The following DLC1 variants were observed in gnomAD, a reference collection of about 807,000 sequenced individuals.
The protein encoded by DLC1 is DLC1 Rho GTPase activating protein.
DLC1 carries 54 observed loss-of-function variants against 140.3 expected under a neutral mutation model. The ratio of observed to expected loss-of-function variants is 0.38; its 90% CI spans 0.31 to 0.48. The LOEUF (loss-of-function observed/expected upper bound fraction) is 0.48. Among genes scored for constraint, DLC1 ranks in the 20% least tolerant of loss-of-function variants. The pLI, the probability that DLC1 is intolerant of heterozygous loss-of-function variation, is 0.96. For synonymous variants in DLC1, 986 were observed against 728.1 expected, an observed-to-expected ratio of 1.35 and a Z score of -5.70; for missense variants, 2,536 against 1,907.0, an observed-to-expected ratio of 1.33 and a Z score of -6.14.
intron 4 of DLC1, among the ~76,000 whole-genome samples, chr8:13,312,242 T>A (rs960748085): frequency 7.3e-6 from 1 of 136,568 alleles, no homozygotes; most frequent in Admixed American, 7.6e-5. Flanking sequence ...GCGCCTGTAG[T>A]CCCAGCTACT....
intron 1 of DLC1, among the ~76,000 whole-genome samples, chr8:13,581,945 A>C (rs1428354144): frequency 2.6e-5 from 4 of 152,198 alleles, no homozygotes; most frequent in African/African-American, 9.7e-5. Context: ...TGCATTTAAA[A>C]AATTTTAGAA....
chr8:13,283,293 AACACACAC>A (rs58438325), intron 5 of DLC1, among the ~76,000 whole-genome samples: 1 of 145,032 alleles, frequency 6.9e-6, no homozygotes, highest in Non-Finnish European at 1.5e-5. Flanking sequence ...ATCCTACTGA[AACACACAC>A]ACACACACAC....
chr8:13,174,594 G>A (rs1825663116), intron 5 of DLC1, among the ~76,000 whole-genome samples: 1 of 152,100 alleles, frequency 6.6e-6, no homozygotes, highest in African/African-American at 2.4e-5. Context: ...TTGTGGTTTT[G>A]ATTTGCATTT....
chr8:13,128,829 C>G (rs1294439595), intron 5 of DLC1, among the ~76,000 whole-genome samples: 4 of 137,074 alleles, frequency 2.9e-5, no homozygotes, highest in Non-Finnish European at 6.2e-5. Context: ...AGAGAGACTC[C>G]GTCTCAAAAA....
chr8:13,452,524 A>G (rs1257241375), intron 2 of DLC1, among the ~76,000 whole-genome samples: 1 of 152,236 alleles, frequency 6.6e-6, no homozygotes, highest in African/African-American at 2.4e-5. Flanking sequence ...CTAAAGTGAT[A>G]GGTACAAATA....
intron 4 of DLC1, among the ~76,000 whole-genome samples, chr8:13,362,397 T>G (rs1835270982): frequency 6.6e-6 from 1 of 152,172 alleles, no homozygotes; most frequent in Non-Finnish European, 1.5e-5. Context: ...TTTGTCTGGT[T>G]GCAGTTAGAT....
chr8:13,206,062 A>G (rs1827649813), intron 5 of DLC1, among the ~76,000 whole-genome samples: 1 of 152,212 alleles, frequency 6.6e-6, no homozygotes, highest in South Asian at 2.1e-4. Flanking sequence ...AGCTAAGGAT[A>G]GAGCAAAGTC....
chr8:13,313,453 C>T (rs1275731045), intron 4 of DLC1, among the ~76,000 whole-genome samples: 1 of 152,132 alleles, frequency 6.6e-6, no homozygotes, highest in African/African-American at 2.4e-5. Context: ...ATTTTTGGCA[C>T]TTTTCTAGAA....
intron 2 of DLC1, among the ~76,000 whole-genome samples, chr8:13,446,062 G>A (rs1300892690): frequency 1.3e-5 from 2 of 152,160 alleles, no homozygotes; most frequent in Non-Finnish European, 2.9e-5. Context: ...TACCTGAACA[G>A]TGTGGTCAGA....
At chr8:13,140,244 A>T (rs1416912843) in intron 5 of DLC1, among the ~76,000 whole-genome samples, 1 of 151,966 alleles carries the variant, frequency 6.6e-6, no homozygotes, top group Non-Finnish European at 1.5e-5. Flanking sequence ...CTATCTATAT[A>T]TTTTTCCAGA....
At chr8:13,424,858 A>C (rs1838485481) in intron 2 of DLC1, among the ~76,000 whole-genome samples, 1 of 152,102 alleles carries the variant, frequency 6.6e-6, no homozygotes, top group Non-Finnish European at 1.5e-5. Context: ...CAGGCATGAC[A>C]AAATTAGTAA....
chr8:13,567,454 G>A (rs1182096098), intron 1 of DLC1: 3 of 1,552,102 alleles, frequency 1.9e-6, no homozygotes, highest in Non-Finnish European at 2.6e-6. Flanking sequence ...TCTTGGATTG[G>A]ATGTAGAGGC....
chr8:13,367,342 G>A (rs1376385158), intron 4 of DLC1, among the ~76,000 whole-genome samples: 2 of 152,112 alleles, frequency 1.3e-5, no homozygotes, highest in South Asian at 2.1e-4. Flanking sequence ...AGAACTGCTG[G>A]CAGTGATTCT....
At position 13,100,641 on chromosome 8, in the gene DLC1, A is replaced by T; in HGVS notation, c.1696T>A (p.Ser566Thr). Residue 566 changes from serine to threonine, a missense_variant, in exon 9 of 18, where the codon TCC becomes ACC. Physicochemically the swap from Ser to Thr is moderately conservative, Grantham distance 58 (BLOSUM62 1). Transcript: ENST00000276297. ...FSPKQDLVPG[S>T]PDDSHPKDGP... ...TCCTTCGGGTGGGAGTCGTCTGGGG[A>T]CCCAGGGACCAGGTCTTGTTTTGGA... is the stretch of plus-strand genomic sequence containing the variant. The T allele has an allele frequency of 1.2e-6, 2 of 1,613,812 alleles. No homozygotes were observed. Among genetic ancestry groups the T allele is most frequent in the Non-Finnish European group, 1.7e-6 (2 of 1,179,930 alleles).
chr8:13,570,210 A>T (rs111706582), intron 1 of DLC1, among the ~76,000 whole-genome samples: 9 of 152,020 alleles, frequency 5.9e-5, no homozygotes, highest in African/African-American at 1.9e-4. Context: ...TCCCCACTAT[A>T]TTCAAGCGTC....
chr8:13,385,605 A>G (rs902327679), intron 4 of DLC1, among the ~76,000 whole-genome samples: 1 of 152,162 alleles, frequency 6.6e-6, no homozygotes, highest in Non-Finnish European at 1.5e-5. Flanking sequence ...TTACTTTCAG[A>G]TTTCTGTTAC....
chr8:13,597,357 T>A (rs1166767262), intron 1 of DLC1, among the ~76,000 whole-genome samples: 1 of 152,054 alleles, frequency 6.6e-6, no homozygotes, highest in Non-Finnish European at 1.5e-5. Flanking sequence ...TTCTCCCATT[T>A]CTTACAACAG....
rs2128932788 is a variant in DLC1 at position 13,095,160 on chromosome 8, G to C, written c.3253C>G (p.Gln1085Glu). 6.2e-7 allele frequency: 1 copy of C among 1,614,248 alleles called. No homozygotes were observed. Among genetic ancestry groups the C allele is most frequent in the Admixed American group, 1.7e-5 (1 of 60,028 alleles). Residue 1085 changes from glutamine to glutamate, a missense_variant, in exon 11 of 18, where the codon CAG becomes GAG. By Grantham distance (29) the Gln-to-Glu change is conservative. Transcript: ENST00000276297. ...VFGVPLTVNV[Q>E]RTGQPLPQSI... ...TGAGGCAACGGTTGTCCTGTGCGCT[G>C]CACGTTGACCGTCAGTGGGACCCCA...
rs556227853 is a variant in DLC1, at chr8:13,545,227, T to C, written c.-125-45031A>G. Among the ~76,000 whole-genome samples the C allele has an allele frequency of 2.0e-5, 3 of 151,936 alleles. No homozygotes were observed. In the South Asian group the frequency reaches 6.2e-4, roughly 32 times the overall value. On this transcript the variant is annotated intron_variant, in intron 1 of 1. Transcript: ENST00000631382. ...ATTTTTAATATGAACAAAACATGGA[T>C]ATCCTGCTCAAATTAGAGCATAATA...
Sources: gnomAD v4.1 joint callset for allele counts (sites outside exome capture counted in the v4.1 genomes callset) on GRCh38, gnomAD v4.1.1 for gene constraint, MANE v1.5 for transcripts, NCBI Gene and HGNC (gene_info 2026-07-23, HGNC 2026-07-21) for gene names.